The following CNTFR variants were observed in gnomAD, a reference collection of about 807,000 sequenced individuals.
The protein encoded by CNTFR is ciliary neurotrophic factor receptor.
In CNTFR, 12 loss-of-function variants were observed where a neutral mutation model predicts 40.4. The observed-to-expected ratio is 0.30, with a 90% CI of 0.19 to 0.48. The LOEUF is 0.48. Ranked by LOEUF, CNTFR falls within the 20% of genes least tolerant of loss-of-function variation. The probability of loss-of-function intolerance (pLI) is 0.99; values close to 1 mark genes in which losing one functional copy is unlikely to be tolerated. For missense variants in CNTFR, 414 were observed against 506.8 expected, an observed-to-expected ratio of 0.82 and a Z score of 1.76; for synonymous variants, 202 against 209.6, an observed-to-expected ratio of 0.96 and a Z score of 0.31.
intron 2 of CNTFR, among the ~76,000 whole-genome samples, chr9:34,575,101 C>T (rs1826887989): frequency 6.6e-6 from 1 of 152,234 alleles, no homozygotes; most frequent in Non-Finnish European, 1.5e-5. Context: ...GTCCAGCCCC[C>T]TGCCTCTTGA....
At chr9:34,555,142 G>T (rs1458836150) in intron 7 of CNTFR, among the ~76,000 whole-genome samples, 1 of 152,238 alleles carries the variant, frequency 6.6e-6, no homozygotes, top group East Asian at 1.9e-4. Context: ...GCTCGTTAGC[G>T]GGGGAGGGGG....
intron 4 of CNTFR, among the ~76,000 whole-genome samples, chr9:34,564,154 C>A (rs1222390610): frequency 6.6e-6 from 1 of 152,190 alleles, no homozygotes; most frequent in Non-Finnish European, 1.5e-5. Flanking sequence ...TTCCCTGGGG[C>A]CTCCTGGAGC....
chr9:34,559,512 TGGGAAG>T (rs1396931558), intron 4 of CNTFR, among the ~76,000 whole-genome samples: 1 of 152,148 alleles, frequency 6.6e-6, no homozygotes, highest in South Asian at 2.1e-4. Context: ...GTGCCTCCCT[TGGGAAG>T]CCTTCCGGGC....
At chr9:34,568,260 C>G (rs1298396574) in intron 3 of CNTFR, 1 of 152,328 alleles carries the variant, frequency 6.6e-6, no homozygotes, top group Non-Finnish European at 1.5e-5. Flanking sequence ...TCTGTTAACA[C>G]CGCTCCTTGT....
chr9:34,587,113 G>C (rs55855155), intron 1 of CNTFR, among the ~76,000 whole-genome samples: 1 of 152,188 alleles, frequency 6.6e-6, no homozygotes, highest in Non-Finnish European at 1.5e-5. Flanking sequence ...GTCTCAGCAC[G>C]CATCTGACTG....
chr9:34,571,344 A>G (rs1339078472), intron 2 of CNTFR: 1 of 152,256 alleles, frequency 6.6e-6, no homozygotes, highest in Admixed American at 6.5e-5. Flanking sequence ...CTTTCTCCTC[A>G]CAGCCAGGAA....
intron 6 of CNTFR, 36 bp from the exon 7 acceptor site, chr9:34,556,454 C>G (rs772574453): frequency 6.5e-7 from 1 of 1,548,004 alleles, no homozygotes; most frequent in Non-Finnish European, 8.7e-7. Context: ...CTACACTAAT[C>G]ACTGGCAACA....
At chr9:34,560,656 G>C (rs1028745262) in intron 4 of CNTFR, among the ~76,000 whole-genome samples, 4 of 152,250 alleles carry the variant, frequency 2.6e-5, no homozygotes, top group Admixed American at 1.3e-4. Context: ...ATGTTAAAGA[G>C]AGTGTGTGAG....
At chr9:34,576,433 C>T (rs1391343613) in intron 2 of CNTFR, among the ~76,000 whole-genome samples, 1 of 152,222 alleles carries the variant, frequency 6.6e-6, no homozygotes, top group Non-Finnish European at 1.5e-5. Context: ...CACGCCCCGA[C>T]ACCGGCAATG....
rs1432602365 is a variant in CNTFR, at chr9:34,557,425, A to T, written c.604+101T>A. 2 of 1,320,526 alleles carry T rather than the reference A, an allele frequency of 1.5e-6. No individual in the cohort carries two copies. Among genetic ancestry groups the T allele is most frequent in the African/African-American group, 2.9e-5 (2 of 68,922 alleles). 81.8% of individuals were successfully genotyped at this position (1,320,526 alleles called of 1,614,324 possible). ...ACCTGTGCAGAGGCATGTACATGCCATGTATACATGTGCATGCATGTGGAC... is the reference window on the plus strand; with the variant it reads ...ACCTGTGCAGAGGCATGTACATGCCTTGTATACATGTGCATGCATGTGGAC... On this transcript the variant is annotated intron_variant, in intron 6 of 9. Coordinates refer to ENST00000378980, the MANE Select transcript of CNTFR (RefSeq NM_147164.3). The surrounding 1 kb of genome is among the most constrained non-coding windows in gnomAD (Gnocchi z 4.2).
At chr9:34,590,596 G>A (rs886128542), upstream of CNTFR, among the ~76,000 whole-genome samples, 1 of 152,188 alleles carries the variant, frequency 6.6e-6, no homozygotes, top group Non-Finnish European at 1.5e-5. Context: ...ACCACTACTC[G>A]CATGTTCCTC....
chr9:34,585,899 A>T (rs773267282), intron 1 of CNTFR, among the ~76,000 whole-genome samples: 7 of 152,096 alleles, frequency 4.6e-5, no homozygotes, highest in Non-Finnish European at 7.4e-5. Flanking sequence ...AATCCACTCC[A>T]TATGTTTCCG....
intron 4 of CNTFR, among the ~76,000 whole-genome samples, chr9:34,563,321 C>T (rs79616399): frequency 0.01 from 1,586 of 152,324 alleles, 8 homozygotes; most frequent in Non-Finnish European, 0.014. Context: ...ATCAAAGAGC[C>T]TCCCTCCCAC....
At chr9:34,568,369 G>C (rs556028812) in intron 3 of CNTFR, among the ~76,000 whole-genome samples, 11 of 152,256 alleles carry the variant, frequency 7.2e-5, no homozygotes, top group African/African-American at 2.2e-4. Context: ...TCCCTCCCCC[G>C]TGTGGCCATT....
At chr9:34,569,028 C>A (rs993570030) in intron 2 of CNTFR, 47 bp from the exon 3 acceptor site, 8 of 1,502,526 alleles carry the variant, frequency 5.3e-6, no homozygotes, top group Non-Finnish European at 9.1e-7. Context: ...TCAGCCCAGG[C>A]AGGACTGTCC....
chr9:34,582,486 A>G (rs1236020465), intron 1 of CNTFR: 1 of 152,150 alleles, frequency 6.6e-6, no homozygotes, highest in African/African-American at 2.4e-5. Context: ...CTCACCTTCT[A>G]TAAGACCCCA....
intron 3 of CNTFR, among the ~76,000 whole-genome samples, chr9:34,565,955 G>A (rs911600923): frequency 2.2e-4 from 33 of 151,924 alleles, no homozygotes; most frequent in African/African-American, 7.7e-4. Context: ...TTGGGGTGGG[G>A]GGCTGCGGGA....
Position 34,552,836 on chromosome 9 carries a change from T to C in CNTFR, c.787A>G (p.Thr263Ala). ...TAGGCATCTGTGATGGTGTGTGCTGTGCCGTCGGACAGCTCCACCTGCAGC... is the reference window on the plus strand; with the variant it reads ...TAGGCATCTGTGATGGTGTGTGCTGCGCCGTCGGACAGCTCCACCTGCAGC... The part of the protein sequence containing the change: ...QWQHVELSDG[T>A]AHTITDAYAG... The change falls in exon 8 of 10, where the codon ACA becomes GCA. Residue 263 changes from threonine (T) to alanine (A), a missense_variant. Thr to Ala is a moderately conservative substitution (Grantham distance 58). This residue lies in a region of CNTFR where 83 missense variants were observed against 145.0 expected (regional missense o/e 0.57). Coordinates refer to ENST00000378980, the MANE Select transcript of CNTFR (RefSeq NM_147164.3). The surrounding 1 kb of genome is among the most constrained non-coding windows in gnomAD (Gnocchi z 5.1). 6.2e-7 allele frequency: 1 copy of C among 1,612,296 alleles called. No homozygotes were observed. The highest frequency in any genetic ancestry group is 8.5e-7 in the Non-Finnish European group (1 of 1,179,808).
chr9:34,562,984 T>C (rs1456131148), intron 4 of CNTFR, among the ~76,000 whole-genome samples: 1 of 152,136 alleles, frequency 6.6e-6, no homozygotes, highest in East Asian at 1.9e-4. Context: ...GGCTCAATTC[T>C]GGGTCCTCTT....
Sources: allele counts gnomAD v4.1 joint callset (sites outside exome capture counted in the v4.1 genomes callset), GRCh38; gene constraint gnomAD v4.1.1; regional missense constraint gnomAD v4.1.1; non-coding constraint Gnocchi (gnomAD v3.1); transcripts MANE v1.5; gene names NCBI Gene and HGNC (gene_info 2026-07-23, HGNC 2026-07-21).